Variants in PTHLH observed in about 807,000 individuals in gnomAD.
The protein encoded by PTHLH is parathyroid hormone-related protein.
Under a neutral mutation model 18.6 loss-of-function variants are expected in PTHLH, and 5 were observed. That is an observed-to-expected ratio of 0.27 (90% CI 0.14 to 0.56). The LOEUF (loss-of-function observed/expected upper bound fraction) is 0.56, where lower values mean the gene tolerates loss of function less well. PTHLH is among the 20% of genes least tolerant of loss of function. PTHLH has a pLI of 0.92. For synonymous variants in PTHLH, 90 were observed against 94.0 expected (o/e 0.96, Z 0.25); for missense variants, 207 against 223.9 (o/e 0.92, Z 0.48).
chr12:27,967,191 C>T (rs943491268), intron 4 of PTHLH, among the ~76,000 whole-genome samples: 1 of 152,194 alleles, frequency 6.6e-6, no homozygotes, highest in African/African-American at 2.4e-5. Flanking sequence ...TGCCAGAAGC[C>T]TTGTTCATCT....
rs761585896 is a variant in PTHLH, at chr12:27,963,436, C to A, written c.436G>T (p.Ala146Ser). 1.9e-6 allele frequency: 3 copies of A among 1,614,164 alleles called. No homozygotes were observed. The highest frequency in any genetic ancestry group is 1.1e-5 in the South Asian group (1 of 91,078). ...QEKKKRRTRS[A>S]WLDSGVTGSG... The stretch of plus-strand genomic sequence containing the variant: ...CCAGTCACTCCAGAGTCTAACCAGG[C>A]AGAGCGAGTTCGCCGTTTTTTCTTT... Residue 146 changes from alanine to serine, a missense_variant, in exon 5 of 6, where the codon GCC becomes TCC. Transcript: ENST00000545234.
chr12:27,962,307 C>CA (rs2062769722), intron 5 of PTHLH: 1 of 202,822 alleles, frequency 4.9e-6, no homozygotes, highest in South Asian at 1.7e-4. Context: ...GAACTAGTTC[C>CA]AAAAACACCA....
At chr12:27,964,233 A>C (rs1354109288) in intron 4 of PTHLH, among the ~76,000 whole-genome samples, 1 of 67,590 alleles carries the variant, frequency 1.5e-5, no homozygotes, top group Admixed American at 1.7e-4. Flanking sequence ...TTACCTGAGT[A>C]TTCTCTCTCT....
chr12:27,959,663 A>G (rs1254741765), intron 5 of PTHLH, among the ~76,000 whole-genome samples: 3 of 152,176 alleles, frequency 2.0e-5, no homozygotes, highest in African/African-American at 7.2e-5. Flanking sequence ...ATTCTTAACA[A>G]TTTTGGGGTT....
chr12:27,971,278 G>C (rs1270471937), intron 2 of PTHLH, among the ~76,000 whole-genome samples: 3 of 152,264 alleles, frequency 2.0e-5, no homozygotes, highest in South Asian at 2.1e-4. Context: ...GGAAAGCCGA[G>C]GTTCTTTCCA....
chr12:27,961,507 AC>A, intron 5 of PTHLH, among the ~76,000 whole-genome samples: 1 of 150,646 alleles, frequency 6.6e-6, no homozygotes, highest in South Asian at 2.1e-4. Flanking sequence ...TATATATATG[AC>A]ATGTTTATAT....
intron 5 of PTHLH, among the ~76,000 whole-genome samples, chr12:27,961,287 GTA>G (rs1555124070): frequency 2.3e-4 from 8 of 34,162 alleles, no homozygotes; most frequent in South Asian, 1.0e-3. Flanking sequence ...ATATATATAC[GTA>G]TATATATATA....
intron 2 of PTHLH, among the ~76,000 whole-genome samples, chr12:27,970,729 G>A (rs1283892075): frequency 6.6e-6 from 1 of 152,114 alleles, no homozygotes; most frequent in Admixed American, 6.5e-5. Context: ...ACGAGGAGGA[G>A]GCCAAGGAGC....
intron 5 of PTHLH, among the ~76,000 whole-genome samples, chr12:27,959,436 C>G (rs1444138148): frequency 1.3e-5 from 2 of 152,184 alleles, no homozygotes; most frequent in Non-Finnish European, 2.9e-5. Context: ...TCTAATCTAT[C>G]TAAATACTGT....
chr12:27,965,321 C>T (rs908780156), intron 4 of PTHLH, among the ~76,000 whole-genome samples: 2 of 152,200 alleles, frequency 1.3e-5, no homozygotes, highest in South Asian at 4.1e-4. Flanking sequence ...GTTGAGGCAA[C>T]ACGGTAAGGA....
At chr12:27,966,714 TA>T (rs35473751) in intron 4 of PTHLH, among the ~76,000 whole-genome samples, 7 of 151,656 alleles carry the variant, frequency 4.6e-5, no homozygotes, top group South Asian at 2.1e-4. Flanking sequence ...TTGATTATTG[TA>T]AAAAAAAATT....
intron 5 of PTHLH, chr12:27,962,988 G>GT (rs1305831876): frequency 1.5e-5 from 18 of 1,167,974 alleles, no homozygotes; most frequent in Non-Finnish European, 1.8e-5. Context: ...TTGCCCAGGT[G>GT]TGAGAGTAAG....
chr12:27,958,475 G>T lies in PTHLH; in HGVS notation c.*84C>A. On this transcript the variant is annotated 3_prime_UTR_variant, in exon 6 of 6. Coordinates refer to ENST00000545234, the MANE Select transcript of PTHLH (RefSeq NM_198965.2). ...TTCCAATGCATTTACAGTATTTACA[G>T]ACAATAAATATTTCTAATACTTTCC... is the stretch of plus-strand genomic sequence containing the variant. 1 of 1,322,326 alleles carries T rather than the reference G, an allele frequency of 7.6e-7. No homozygotes were observed. Among genetic ancestry groups the T allele is most frequent in the South Asian group, 1.5e-5 (1 of 67,764 alleles). The allele number at this position is 1,322,326 out of a possible 1,614,324, so 81.9% of individuals were successfully genotyped here.
intron 4 of PTHLH, among the ~76,000 whole-genome samples, chr12:27,964,280 T>TCA (rs1555124781): frequency 2.8e-4 from 40 of 140,542 alleles, no homozygotes; most frequent in Non-Finnish European, 4.0e-4. Flanking sequence ...TCTCTCTCTC[T>TCA]CACACACACA....
Position 27,963,509 on chromosome 12 carries a change from T to C in PTHLH, c.363A>G (p.Thr121=), listed in dbSNP as rs1407781559. The C allele has an allele frequency of 1.2e-6, 2 of 1,614,026 alleles. No individual in the cohort carries two copies. The highest frequency in any genetic ancestry group is 2.7e-5 in the African/African-American group (2 of 74,916). ...VETYKEQPLK[T]PGKKKKGKPG... ...GCTTGCCTTTCTTTTTCTTCCCAGG[T>C]GTCTTGAGCGGCTGCTCTTTGTACG... Residue 121 remains threonine, a synonymous_variant, in exon 5 of 6, where the codon ACA becomes ACG. Transcript: ENST00000545234.
At chr12:27,958,927 G>A (rs1361218950) in intron 5 of PTHLH, among the ~76,000 whole-genome samples, 5 of 152,240 alleles carry the variant, frequency 3.3e-5, no homozygotes, top group Non-Finnish European at 5.9e-5. Flanking sequence ...ATGAGGTTAC[G>A]TTGGACCATC....
intron 4 of PTHLH, among the ~76,000 whole-genome samples, chr12:27,966,591 T>C (rs764587714): frequency 6.6e-6 from 1 of 152,204 alleles, no homozygotes; most frequent in Non-Finnish European, 1.5e-5. Context: ...GCCTCAATAA[T>C]AGTCTTTTAC....
chr12:27,966,262 G>A (rs1455229219), intron 4 of PTHLH, among the ~76,000 whole-genome samples: 1 of 152,138 alleles, frequency 6.6e-6, no homozygotes, highest in Non-Finnish European at 1.5e-5. Flanking sequence ...GCACAGCTTT[G>A]TTCAATTTAA....
chr12:27,968,337 A>T (rs1483900227), intron 4 of PTHLH, among the ~76,000 whole-genome samples: 1 of 152,216 alleles, frequency 6.6e-6, no homozygotes, highest in Non-Finnish European at 1.5e-5. Flanking sequence ...CACCCTCGGG[A>T]ATTTACAAGG....
Sources: gnomAD v4.1 joint callset for allele counts (sites outside exome capture counted in the v4.1 genomes callset) on GRCh38, gnomAD v4.1.1 for gene constraint, MANE v1.5 for transcripts, NCBI Gene and HGNC (gene_info 2026-07-23, HGNC 2026-07-21) for gene names.